ST6GALNAC2: variants seen among roughly 807,000 people sequenced by gnomAD.
ST6GALNAC2 encodes ST6 N-acetylgalactosaminide alpha-2,6-sialyltransferase 2, also known as alpha-N-acetylgalactosaminide alpha-2,6-sialyltransferase 2.
A neutral mutation model predicts 38.7 loss-of-function variants in ST6GALNAC2; 42 were observed. The ratio of observed to expected loss-of-function variants is 1.09; its 90% CI spans 0.85 to 1.40. The LOEUF (loss-of-function observed/expected upper bound fraction) is 1.40, where lower values mean the gene tolerates loss of function less well. Ranked by LOEUF, ST6GALNAC2 falls within the 40% of genes most tolerant of loss-of-function variation. The probability of loss-of-function intolerance (pLI) is 0.00; values close to 1 mark genes in which losing one functional copy is unlikely to be tolerated. For missense variants in ST6GALNAC2, 506 were observed against 481.7 expected (o/e 1.05, Z -0.47); for synonymous variants, 233 against 209.0 (o/e 1.11, Z -0.99).
At chr17:76,566,322 C>T in intron 8 of ST6GALNAC2, 51 bp from the exon 9 acceptor site, 2 of 1,575,464 alleles carry the variant, frequency 1.3e-6, no homozygotes, top group Non-Finnish European at 1.7e-6. Flanking sequence ...CTAGTGTGTA[C>T]AGACACTTGG....
Position 76,574,453 on chromosome 17 carries a change from C to A in ST6GALNAC2, c.273G>T (p.Leu91=). 6.2e-7 allele frequency: 1 copy of A among 1,613,938 alleles called. No individual in the cohort carries two copies. ...RGLFNLSIPV[L]LWGDLFTPAL... Reference sequence around the variant, plus strand: ...CTGGGGTGAAGAGGTCCCCCCACAGCAGCACTGGAATGGAGAGATTGAACA... The same window carrying A: ...CTGGGGTGAAGAGGTCCCCCCACAGAAGCACTGGAATGGAGAGATTGAACA... The change falls in exon 3 of 9, where the codon CTG becomes CTT. Residue 91 remains leucine, a synonymous_variant. Transcript: ENST00000225276.
At chr17:76,583,601 CCTTT>C (rs747705048) in intron 1 of ST6GALNAC2, among the ~76,000 whole-genome samples, 14,811 of 140,482 alleles carry the variant, frequency 0.11, 895 homozygotes, top group South Asian at 0.15. Context: ...TTGGTGAAGG[CCTTT>C]TTTTTTTTTT....
At chr17:76,583,802 T>A (rs2075509174) in intron 1 of ST6GALNAC2, among the ~76,000 whole-genome samples, 1 of 132,188 alleles carries the variant, frequency 7.6e-6, no homozygotes, top group Non-Finnish European at 1.6e-5. Flanking sequence ...TAGGGTACAG[T>A]GTGATATTTC....
At chr17:76,578,643 C>T in intron 2 of ST6GALNAC2, 113 bp downstream of exon 2, 1 of 1,027,022 alleles carries the variant, frequency 9.7e-7, no homozygotes, top group Non-Finnish European at 1.5e-6. Context: ...TTAGGGCGTT[C>T]CAAAGAGCTC....
At chr17:76,569,188 G>T in intron 6 of ST6GALNAC2, 2 of 205,568 alleles carry the variant, frequency 9.7e-6, no homozygotes, top group East Asian at 8.6e-5. Flanking sequence ...TTGGGGAAGT[G>T]GTGCTGTGGG....
chr17:76,567,358 T>G (rs2075297406), intron 8 of ST6GALNAC2, 95 bp downstream of exon 8: 1 of 873,712 alleles, frequency 1.1e-6, no homozygotes, highest in Admixed American at 2.0e-5. Context: ...AGGCCAAGAG[T>G]CCCAGCTCCG....
chr17:76,576,970 C>CAAA (rs540729757), intron 2 of ST6GALNAC2, among the ~76,000 whole-genome samples: 45 of 100,046 alleles, frequency 4.5e-4, no homozygotes, highest in Middle Eastern at 6.5e-3. Flanking sequence ...AACTCCATCT[C>CAAA]AAAAAAAAAA....
intron 1 of ST6GALNAC2, 31 bp from the exon 2 acceptor site, chr17:76,578,847 C>T: frequency 6.2e-7 from 1 of 1,607,210 alleles, no homozygotes; most frequent in Non-Finnish European, 8.5e-7. Flanking sequence ...AAGCAGGGGT[C>T]AGCAGCTCTG....
rs146148780 is a variant in ST6GALNAC2, at chr17:76,571,095, C to A, written c.670-427G>T. 1.3e-3 allele frequency: 204 copies of A among 155,416 alleles called. 1 individual carries two copies. The highest frequency in any genetic ancestry group is 4.6e-3 in the African/African-American group (192 of 41,660). 9.6% of individuals were successfully genotyped at this position (155,416 alleles called of 1,614,324 possible). ...GTGGCAAGGGCCCGTGAGACGCCAT[C>A]TTGATGTCAGCTCCAGTCAAGCTTT... On this transcript the variant is annotated intron_variant, in intron 5 of 8. Transcript: ENST00000225276.
chr17:76,568,014 G>T (rs929124144), intron 7 of ST6GALNAC2: 1 of 171,676 alleles, frequency 5.8e-6, no homozygotes, highest in Non-Finnish European at 1.3e-5. Context: ...GTGCCAGGCC[G>T]ATCACCTGAC....
intron 1 of ST6GALNAC2, chr17:76,579,050 G>A (rs2075447983): frequency 3.3e-6 from 1 of 300,232 alleles, no homozygotes; most frequent in Non-Finnish European, 6.3e-6. Flanking sequence ...CTCCTGAGTA[G>A]CTGGGATTAC....
In ST6GALNAC2 at chr17:76,570,578, CT is replaced by C. The variant is rs1427285121; in HGVS notation, c.759del (p.Asp254IlefsTer30). The C allele has an allele frequency of 6.2e-7, 1 of 1,611,708 alleles. No individual in the cohort carries two copies. On this transcript the variant is annotated frameshift_variant, in exon 6 of 9. Coordinates refer to ENST00000225276, the MANE Select transcript of ST6GALNAC2 (RefSeq NM_006456.3). LOFTEE classifies it high-confidence loss of function. ...CTGGCTGCTCACCTGTCCCCTTTAT[CT>C]AGGCCCTCAGGGACAGGCACGCCCA... ...AILGVPVPEGLDKGDRPHAYF... is the reference protein window; with the variant it reads ...AILGVPVPEGXDKGDRPHAYF...
intron 1 of ST6GALNAC2, among the ~76,000 whole-genome samples, chr17:76,583,436 C>G (rs1326560401): frequency 6.7e-6 from 1 of 150,340 alleles, no homozygotes; most frequent in Non-Finnish European, 1.5e-5. Context: ...CATTTTAGCT[C>G]AGGAGGTGGA....
At chr17:76,585,540 G>A in intron 1 of ST6GALNAC2, 144 bp downstream of exon 1, 1 of 959,044 alleles carries the variant, frequency 1.0e-6, no homozygotes, top group Non-Finnish European at 1.4e-6. Context: ...GGCCGCGGCC[G>A]AGTCCTCGCT....
At chr17:76,570,234 G>T in intron 6 of ST6GALNAC2, 1 of 282,588 alleles carries the variant, frequency 3.5e-6, no homozygotes, top group Non-Finnish European at 6.8e-6. Context: ...GCTGGCGGCT[G>T]GGCTGGGCAG....
chr17:76,575,274 A>G (rs2075402829), intron 2 of ST6GALNAC2, among the ~76,000 whole-genome samples: 1 of 152,142 alleles, frequency 6.6e-6, no homozygotes, highest in Non-Finnish European at 1.5e-5. Flanking sequence ...GGCTGCCAGG[A>G]AGATCCGTGA....
chr17:76,575,131 C>T (rs947877042), intron 2 of ST6GALNAC2, among the ~76,000 whole-genome samples: 5 of 152,188 alleles, frequency 3.3e-5, no homozygotes, highest in African/African-American at 1.2e-4. Flanking sequence ...AACTCTGGGG[C>T]ATTTTCTGAT....
chr17:76,570,934 G>T, intron 5 of ST6GALNAC2: 1 of 406,560 alleles, frequency 2.5e-6, no homozygotes. Flanking sequence ...CTGATAAAGA[G>T]GAAAGTGATG....
At chr17:76,585,206 G>A (rs1012825826) in intron 1 of ST6GALNAC2, among the ~76,000 whole-genome samples, 18 of 152,222 alleles carry the variant, frequency 1.2e-4, no homozygotes, top group Non-Finnish European at 2.2e-4. Flanking sequence ...AGACCGCAGC[G>A]GGCGGGAAAG....
Sources: gnomAD v4.1 joint callset for allele counts (sites outside exome capture counted in the v4.1 genomes callset) on GRCh38, gnomAD v4.1.1 for gene constraint, MANE v1.5 for transcripts, NCBI Gene and HGNC (gene_info 2026-07-23, HGNC 2026-07-21) for gene names.